Variants in CACNG2 observed in about 807,000 individuals in gnomAD.
CACNG2 encodes the protein calcium voltage-gated channel auxiliary subunit gamma 2.
Under a neutral mutation model 25.9 loss-of-function variants are expected in CACNG2, and 3 were observed. That is an observed-to-expected ratio of 0.12 (90% CI 0.05 to 0.30). The LOEUF (loss-of-function observed/expected upper bound fraction) is 0.30, where lower values mean the gene tolerates loss of function less well. Ranked by LOEUF, CACNG2 falls within the 10% of genes least tolerant of loss-of-function variation. CACNG2 has a pLI of 1.00. For synonymous variants in CACNG2, 167 were observed against 173.3 expected (o/e 0.96, Z 0.29); for missense variants, 341 against 432.5 (o/e 0.79, Z 1.88).
At chr22:36,676,969 T>TGTGTGTGTG (rs58195961) in intron 1 of CACNG2, among the ~76,000 whole-genome samples, 20 of 151,188 alleles carry the variant, frequency 1.3e-4, no homozygotes, top group South Asian at 1.3e-3. Flanking sequence ...TGTGTGTGTG[T>TGTGTGTGTG]TTTAAAAATC....
chr22:36,562,216 G>C lies in CACNG2; in HGVS notation c.*2135C>G, dbSNP rs1207696343. The C allele has an allele frequency of 6.6e-6, 1 of 152,646 alleles. No individual in the cohort carries two copies. Among genetic ancestry groups the C allele is most frequent in the East Asian group, 1.9e-4 (1 of 5,214 alleles). The allele number at this position is 152,646 out of a possible 1,614,324, so 9.5% of individuals were successfully genotyped here. A position where few individuals can be genotyped will look rare whatever the true frequency, so the allele number is the denominator to read the frequency against. ...GTATATGGTGTGTGTGTGTGTGTGT[G>C]TCTGAGAGGCTGACTGATGATGAGC... On this transcript the variant is annotated 3_prime_UTR_variant, in exon 4 of 4. Coordinates refer to ENST00000300105, the MANE Select transcript of CACNG2 (RefSeq NM_006078.5).
At chr22:36,573,857 G>A (rs1412923782) in intron 2 of CACNG2, among the ~76,000 whole-genome samples, 1 of 152,202 alleles carries the variant, frequency 6.6e-6, no homozygotes, top group Non-Finnish European at 1.5e-5. Flanking sequence ...TGGTGGTAGA[G>A]CTGACCTCTG....
chr22:36,700,705 T>C (rs1335959091), intron 1 of CACNG2, among the ~76,000 whole-genome samples: 1 of 152,216 alleles, frequency 6.6e-6, no homozygotes, highest in East Asian at 1.9e-4. Flanking sequence ...GGCGTGTGTG[T>C]GCATGTGTTT....
At chr22:36,610,275 C>T (rs559045285) in intron 1 of CACNG2, among the ~76,000 whole-genome samples, 2 of 141,930 alleles carry the variant, frequency 1.4e-5, no homozygotes, top group East Asian at 2.1e-4. Context: ...CCCCTTAGAG[C>T]GTGATTGGGC....
chr22:36,653,918 ATT>A (rs35016759), intron 1 of CACNG2, among the ~76,000 whole-genome samples: 52,577 of 132,812 alleles, frequency 0.4, 11,387 homozygotes, highest in African/African-American at 0.62. Flanking sequence ...CAGACGTTAG[ATT>A]TTTTTTTTTT....
At chr22:36,608,250 C>A (rs1935874025) in intron 1 of CACNG2, among the ~76,000 whole-genome samples, 1 of 152,146 alleles carries the variant, frequency 6.6e-6, no homozygotes, top group African/African-American at 2.4e-5. Context: ...TTCTAAGAAG[C>A]CTTCCCTGAT....
intron 1 of CACNG2, 61 bp from the exon 2 acceptor site, chr22:36,587,609 C>CCCAA: frequency 8.7e-7 from 1 of 1,155,116 alleles, no homozygotes; most frequent in Non-Finnish European, 1.3e-6. Context: ...GCTTAGGGCC[C>CCCAA]ACCTGCCTCT....
chr22:36,609,857 G>A (rs1603501571), intron 1 of CACNG2, among the ~76,000 whole-genome samples: 1 of 146,950 alleles, frequency 6.8e-6, no homozygotes, highest in African/African-American at 2.5e-5. Flanking sequence ...TGATCGAGCA[G>A]GAATCAGCCC....
intron 1 of CACNG2, among the ~76,000 whole-genome samples, chr22:36,665,485 A>C (rs1936863101): frequency 6.6e-6 from 1 of 152,224 alleles, no homozygotes; most frequent in Non-Finnish European, 1.5e-5. Context: ...AAATCTGCTC[A>C]GACTACTCCC....
rs142654813 is a variant in CACNG2, at chr22:36,607,208, T to C, written c.212-19660A>G. On this transcript the variant is annotated intron_variant, in intron 1 of 3. Transcript: ENST00000300105. The stretch of plus-strand genomic sequence containing the variant: ...GTGGCCTTTCCTACTTGGCAAAATA[T>C]ACCTTAATTTTCTAACCACAGATTT... Among the ~76,000 whole-genome samples, 3 of 152,198 alleles carry C rather than the reference T, an allele frequency of 2.0e-5. No homozygotes were observed. The East Asian group carries it at 5.8e-4, about 29-fold the overall frequency.
At chr22:36,699,901 G>A (rs1318564623) in intron 1 of CACNG2, among the ~76,000 whole-genome samples, 1 of 152,198 alleles carries the variant, frequency 6.6e-6, no homozygotes, top group Non-Finnish European at 1.5e-5. Context: ...TACTTCCTAA[G>A]TCGCCAAGGC....
At chr22:36,691,314 A>T (rs1363548968) in intron 1 of CACNG2, among the ~76,000 whole-genome samples, 4 of 146,346 alleles carry the variant, frequency 2.7e-5, no homozygotes, top group African/African-American at 1.0e-4. Flanking sequence ...AGGCAGGGGG[A>T]GAGGGAGTAT....
intron 1 of CACNG2, among the ~76,000 whole-genome samples, chr22:36,695,151 G>C (rs2284014): frequency 0.6 from 90,632 of 151,836 alleles, 28,601 homozygotes; most frequent in East Asian, 0.77. Context: ...TCGAGTTCAA[G>C]GCTGCAGTGA....
chr22:36,651,224 C>CTTTTTT (rs11411019), intron 1 of CACNG2, among the ~76,000 whole-genome samples: 50 of 83,130 alleles, frequency 6.0e-4, no homozygotes, highest in South Asian at 1.0e-3. Flanking sequence ...CTTCTTCCTC[C>CTTTTTT]TTTTTTTTTT....
chr22:36,666,135 TGGC>T (rs1174303362), intron 1 of CACNG2, among the ~76,000 whole-genome samples: 1 of 152,206 alleles, frequency 6.6e-6, no homozygotes, highest in Admixed American at 6.6e-5. Flanking sequence ...TCAGGTGCAG[TGGC>T]TCAAACCTGT....
At chr22:36,667,991 G>A (rs1386785192) in intron 1 of CACNG2, among the ~76,000 whole-genome samples, 1 of 152,142 alleles carries the variant, frequency 6.6e-6, no homozygotes, top group African/African-American at 2.4e-5. Context: ...CCTCATGCTG[G>A]GCGCTGTTCT....
intron 1 of CACNG2, among the ~76,000 whole-genome samples, chr22:36,636,888 A>C (rs1305212397): frequency 6.6e-6 from 1 of 152,226 alleles, no homozygotes; most frequent in Non-Finnish European, 1.5e-5. Flanking sequence ...AATGCAGAGA[A>C]GAAGCTGGGC....
At chr22:36,610,770 ACCAAGG>A (rs1205919970) in intron 1 of CACNG2, among the ~76,000 whole-genome samples, 4 of 152,170 alleles carry the variant, frequency 2.6e-5, no homozygotes, top group Non-Finnish European at 5.9e-5. Flanking sequence ...CTCAGCGAAG[ACCAAGG>A]TCAGGGAGGC....
intron 1 of CACNG2, among the ~76,000 whole-genome samples, chr22:36,669,653 ACT>A (rs1601446692): frequency 6.6e-6 from 1 of 151,996 alleles, no homozygotes; most frequent in South Asian, 2.1e-4. Flanking sequence ...TCATGTCAGC[ACT>A]CTCTTTCCAT....
Sources: gnomAD v4.1 joint callset for allele counts (sites outside exome capture counted in the v4.1 genomes callset) on GRCh38, gnomAD v4.1.1 for gene constraint, MANE v1.5 for transcripts, NCBI Gene and HGNC (gene_info 2026-07-23, HGNC 2026-07-21) for gene names.